Variants in IL15 observed in about 807,000 individuals in gnomAD.
The protein encoded by IL15 is interleukin 15, also known as interleukin-15.
Under a neutral mutation model 19.6 loss-of-function variants are expected in IL15, and 11 were observed. That is an observed-to-expected ratio of 0.56 (90% CI 0.35 to 0.93). The LOEUF (loss-of-function observed/expected upper bound fraction) is 0.93. Ranked by LOEUF, IL15 falls within the 40% of genes least tolerant of loss-of-function variation. The probability of loss-of-function intolerance (pLI) is 0.01; values close to 1 mark genes in which losing one functional copy is unlikely to be tolerated. For missense variants in IL15, 197 were observed against 186.5 expected, an observed-to-expected ratio of 1.06 and a Z score of -0.33; for synonymous variants, 58 against 59.6, an observed-to-expected ratio of 0.97 and a Z score of 0.12.
At chr4:141,731,468 T>A (rs1328960125) in intron 7 of IL15, among the ~76,000 whole-genome samples, 1 of 152,208 alleles carries the variant, frequency 6.6e-6, no homozygotes, top group Non-Finnish European at 1.5e-5. Flanking sequence ...TGATGTTATC[T>A]CCATCTTATT....
chr4:141,692,290 G>C (rs528956939), intron 2 of IL15, among the ~76,000 whole-genome samples: 4 of 152,226 alleles, frequency 2.6e-5, no homozygotes, highest in Non-Finnish European at 4.4e-5. Flanking sequence ...CCTGTAATGG[G>C]TGTGGCTGCC....
chr4:141,656,785 C>T (rs764663524), intron 2 of IL15, among the ~76,000 whole-genome samples: 9 of 152,014 alleles, frequency 5.9e-5, no homozygotes, highest in Admixed American at 2.0e-4. Context: ...AAAGAACTTG[C>T]GTGCTTAAAA....
At chr4:141,707,698 G>A (rs1011654183) in intron 2 of IL15, among the ~76,000 whole-genome samples, 3 of 152,176 alleles carry the variant, frequency 2.0e-5, no homozygotes, top group Admixed American at 6.5e-5. Flanking sequence ...AGTGGTCTAC[G>A]CTGTGAGAGC....
rs988228799 is a variant in IL15 at position 141,722,137 on chromosome 4, T to C, written c.195+129T>C. 8.3e-6 allele frequency: 10 copies of C among 1,208,454 alleles called. No individual in the cohort carries two copies. In the African/African-American group the frequency reaches 1.2e-4, roughly 15 times the overall value. 74.9% of individuals were successfully genotyped at this position (1,208,454 alleles called of 1,614,324 possible). ...ATATTTTTGTAGAAATTTATGATCT[T>C]ATAAAGCTCAAAAAGAAGTCTTTTC... On this transcript the variant is annotated intron_variant, in intron 5 of 7. Transcript: ENST00000320650.
intron 2 of IL15, among the ~76,000 whole-genome samples, chr4:141,703,739 A>C (rs77029862): frequency 6.0e-5 from 9 of 150,900 alleles, no homozygotes; most frequent in Non-Finnish European, 1.2e-4. Flanking sequence ...CTATCTTGAA[A>C]AAAAAAAAAA....
chr4:141,653,722 G>A (rs1164977245), intron 1 of IL15, among the ~76,000 whole-genome samples: 1 of 152,060 alleles, frequency 6.6e-6, no homozygotes, highest in Non-Finnish European at 1.5e-5. Context: ...GTACCCTACT[G>A]ATGGACATTT....
chr4:141,644,715 G>C (rs1447247157), intron 1 of IL15, among the ~76,000 whole-genome samples: 3 of 152,032 alleles, frequency 2.0e-5, no homozygotes, highest in African/African-American at 7.2e-5. Flanking sequence ...TAAAAAGATA[G>C]GTTATCTGTG....
chr4:141,702,619 A>T lies in IL15; in HGVS notation c.-99-16747A>T, dbSNP rs541601990. ...GCAGTGGTGTAAGCTGAGATCCCAC[A>T]GCTGTTTTCTCCTTCCTGAGAGCAG... On this transcript the variant is annotated intron_variant, in intron 2 of 7. Transcript: ENST00000320650. Among the ~76,000 whole-genome samples the T allele has an allele frequency of 7.2e-5, 11 of 152,320 alleles. No individual in the cohort carries two copies. The South Asian group carries it at 2.1e-3, about 29-fold the overall frequency.
intron 2 of IL15, among the ~76,000 whole-genome samples, chr4:141,692,870 C>G (rs1728960518): frequency 6.6e-6 from 1 of 151,822 alleles, no homozygotes; most frequent in Non-Finnish European, 1.5e-5. Flanking sequence ...GTTCAAAAGT[C>G]ACTTCCACAT....
At chr4:141,648,223 A>G (rs1392419438) in intron 1 of IL15, among the ~76,000 whole-genome samples, 2 of 151,996 alleles carry the variant, frequency 1.3e-5, no homozygotes, top group East Asian at 3.9e-4. Flanking sequence ...TTTTCTGGGG[A>G]TGTACTTTGG....
At chr4:141,677,882 G>C (rs1728399454) in intron 2 of IL15, among the ~76,000 whole-genome samples, 1 of 152,180 alleles carries the variant, frequency 6.6e-6, no homozygotes, top group South Asian at 2.1e-4. Context: ...CAGTTAGTGT[G>C]AGATATTCTG....
At chr4:141,659,283 AC>A (rs961040358) in intron 2 of IL15, among the ~76,000 whole-genome samples, 1 of 151,216 alleles carries the variant, frequency 6.6e-6, no homozygotes, top group African/African-American at 2.4e-5. Context: ...GCTCACTGCA[AC>A]CTTTGCCCCT....
intron 2 of IL15, among the ~76,000 whole-genome samples, chr4:141,684,333 T>C (rs1442786090): frequency 6.6e-6 from 1 of 152,232 alleles, no homozygotes; most frequent in Non-Finnish European, 1.5e-5. Flanking sequence ...ACGACTGGTC[T>C]GAGTTTTTAT....
chr4:141,728,259 G>A (rs1345306861), intron 6 of IL15, among the ~76,000 whole-genome samples: 1 of 152,024 alleles, frequency 6.6e-6, no homozygotes, highest in Non-Finnish European at 1.5e-5. Context: ...TTGTGATGCA[G>A]TTGCATCATG....
At chr4:141,645,541 A>G (rs1177969623) in intron 1 of IL15, among the ~76,000 whole-genome samples, 1 of 152,166 alleles carries the variant, frequency 6.6e-6, no homozygotes, top group Non-Finnish European at 1.5e-5. Context: ...TCTAGCCTTC[A>G]CTAACAGGGT....
intron 2 of IL15, among the ~76,000 whole-genome samples, chr4:141,672,498 A>T (rs1461533394): frequency 6.6e-6 from 1 of 152,154 alleles, no homozygotes; most frequent in African/African-American, 2.4e-5. Flanking sequence ...GCAAAGTATT[A>T]TGTTGTTGCA....
chr4:141,672,073 G>A (rs1186275528), intron 2 of IL15, among the ~76,000 whole-genome samples: 2 of 152,160 alleles, frequency 1.3e-5, no homozygotes, highest in Non-Finnish European at 2.9e-5. Context: ...AGGAATAATA[G>A]TATGAAAAGG....
intron 5 of IL15, among the ~76,000 whole-genome samples, chr4:141,723,909 GCCT>G (rs1406889750): frequency 6.6e-6 from 1 of 152,072 alleles, no homozygotes; most frequent in Admixed American, 6.6e-5. Context: ...GGACTTCACT[GCCT>G]CCTCCTCAGT....
intron 1 of IL15, among the ~76,000 whole-genome samples, chr4:141,651,488 T>C (rs547566220): frequency 2.6e-5 from 4 of 152,180 alleles, no homozygotes; most frequent in African/African-American, 9.6e-5. Flanking sequence ...ACAATGTACA[T>C]TATTCTGGTG....
Sources: allele counts gnomAD v4.1 joint callset (sites outside exome capture counted in the v4.1 genomes callset), GRCh38; gene constraint gnomAD v4.1.1; transcripts MANE v1.5; gene names NCBI Gene and HGNC (gene_info 2026-07-23, HGNC 2026-07-21).